RPS6KA5: variants seen among roughly 807,000 people sequenced by gnomAD.
RPS6KA5 encodes the protein ribosomal protein S6 kinase A5, also known as ribosomal protein S6 kinase alpha-5.
RPS6KA5 carries 27 observed loss-of-function variants against 85.5 expected under a neutral mutation model. That is an observed-to-expected ratio of 0.32 (90% confidence interval 0.23 to 0.44). The LOEUF is 0.44. Ranked by LOEUF, RPS6KA5 falls within the 20% of genes least tolerant of loss-of-function variation. The pLI, the probability that RPS6KA5 is intolerant of heterozygous loss-of-function variation, is 1.00. For synonymous variants in RPS6KA5, 334 were observed against 348.2 expected, an observed-to-expected ratio of 0.96 and a Z score of 0.46; for missense variants, 811 against 980.9, an observed-to-expected ratio of 0.83 and a Z score of 2.31.
At position 90,969,821 on chromosome 14, in the gene RPS6KA5, C is replaced by G. The variant is rs11846621; in HGVS notation, c.394+8485G>C. ...CCTTCCAAAGAGCTGTTATTAATTC[C>G]CACATGCCCCCTATGATTCAGACCA... On this transcript the variant is annotated intron_variant, in intron 3 of 16. Coordinates refer to ENST00000614987, the MANE Select transcript of RPS6KA5 (RefSeq NM_004755.4). Among the ~76,000 whole-genome samples, 629 of 152,188 alleles carry G rather than the reference C, an allele frequency of 4.1e-3. 4 individuals are homozygous for G. The highest frequency in any genetic ancestry group is 0.014 in the African/African-American group (596 of 41,524).
At chr14:91,035,870 AAAAAAAAAAAAC>A (rs1190324922) in intron 1 of RPS6KA5, among the ~76,000 whole-genome samples, 15 of 138,730 alleles carry the variant, frequency 1.1e-4, no homozygotes, top group South Asian at 4.5e-4. Flanking sequence ...AAAAAAAAAA[AAAAAAAAAAAAC>A]CCCAAAGCTG....
chr14:91,005,002 A>ATTTT (rs2040958067), intron 1 of RPS6KA5, among the ~76,000 whole-genome samples: 2 of 151,922 alleles, frequency 1.3e-5, no homozygotes, highest in South Asian at 4.2e-4. Flanking sequence ...AAAAACAAAA[A>ATTTT]AACAGTTCCA....
intron 7 of RPS6KA5, among the ~76,000 whole-genome samples, chr14:90,917,271 C>T (rs1364761091): frequency 6.6e-6 from 1 of 152,182 alleles, no homozygotes; most frequent in Non-Finnish European, 1.5e-5. Flanking sequence ...GCTCACTTAA[C>T]TTTGGCATTA....
At chr14:91,056,878 T>C (rs2043343596) in intron 1 of RPS6KA5, among the ~76,000 whole-genome samples, 1 of 130,080 alleles carries the variant, frequency 7.7e-6, no homozygotes, top group Admixed American at 7.8e-5. Flanking sequence ...TTTTTTTTTT[T>C]TTTTTTTTTT....
At chr14:91,003,095 A>C (rs1296333212) in intron 1 of RPS6KA5, among the ~76,000 whole-genome samples, 1 of 152,162 alleles carries the variant, frequency 6.6e-6, no homozygotes, top group Admixed American at 6.5e-5. Flanking sequence ...AAATTCTATT[A>C]TTTTATTATG....
intron 2 of RPS6KA5, among the ~76,000 whole-genome samples, chr14:90,997,199 AAAGG>A (rs2040564196): frequency 6.6e-6 from 1 of 152,226 alleles, no homozygotes; most frequent in Non-Finnish European, 1.5e-5. Flanking sequence ...CTGTAGTAAA[AAAGG>A]AAGAAGATCA....
chr14:90,973,062 T>C (rs542095626), intron 3 of RPS6KA5, among the ~76,000 whole-genome samples: 1 of 152,382 alleles, frequency 6.6e-6, no homozygotes, highest in Non-Finnish European at 1.5e-5. Context: ...GAATACGTTC[T>C]GTGGAGAAAC....
intron 1 of RPS6KA5, among the ~76,000 whole-genome samples, chr14:91,018,018 T>A (rs949610150): frequency 2.6e-5 from 4 of 152,202 alleles, no homozygotes; most frequent in African/African-American, 9.6e-5. Flanking sequence ...GGTATTACCA[T>A]GCCTTGTGAT....
In RPS6KA5 at chr14:90,876,731, G is replaced by A. The variant is rs770340595; in HGVS notation, c.1837-1371C>T. Among the ~76,000 whole-genome samples the A allele has an allele frequency of 1.3e-4, 20 of 152,188 alleles. 1 individual carries two copies. The highest frequency in any genetic ancestry group is 2.6e-4 in the Non-Finnish European group (18 of 68,028). ...GGTTTGAGAAGGGAGCAGTGGTGTC[G>A]GCAGGAGCCTGGGCTGAGGGAAGCG... On this transcript the variant is annotated intron_variant, in intron 14 of 16. Coordinates refer to ENST00000614987, the MANE Select transcript of RPS6KA5 (RefSeq NM_004755.4).
intron 1 of RPS6KA5, among the ~76,000 whole-genome samples, chr14:91,021,029 A>G (rs1175985588): frequency 1.3e-5 from 2 of 152,184 alleles, no homozygotes; most frequent in Non-Finnish European, 2.9e-5. Flanking sequence ...ATCCAGTTAA[A>G]GTGATGTCCA....
At chr14:91,033,659 C>T (rs1737087524) in intron 1 of RPS6KA5, among the ~76,000 whole-genome samples, 1 of 152,112 alleles carries the variant, frequency 6.6e-6, no homozygotes, top group South Asian at 2.1e-4. Flanking sequence ...AGATTACTTA[C>T]ACAGTACTGT....
chr14:90,986,637 C>T (rs1043702630), intron 2 of RPS6KA5, among the ~76,000 whole-genome samples: 4 of 152,144 alleles, frequency 2.6e-5, no homozygotes, highest in South Asian at 2.1e-4. Flanking sequence ...CTTTACAGGC[C>T]GGTGCATCTA....
intron 7 of RPS6KA5, among the ~76,000 whole-genome samples, chr14:90,910,225 C>T (rs757411603): frequency 2.6e-5 from 4 of 152,042 alleles, no homozygotes; most frequent in Non-Finnish European, 4.4e-5. Flanking sequence ...GATTGAGGAA[C>T]GGCATGTAAA....
chr14:91,047,385 T>C (rs1360734518), intron 1 of RPS6KA5, among the ~76,000 whole-genome samples: 1 of 152,128 alleles, frequency 6.6e-6, no homozygotes, highest in Non-Finnish European at 1.5e-5. Flanking sequence ...AGAGCACTCC[T>C]ATGAAAAACA....
In RPS6KA5 at chr14:90,873,782, T is replaced by C. The variant is rs768348389; in HGVS notation, c.2010A>G (p.Val670=). ...ACATTTTAAGCCTTTTGTTTGGATCTACTGTGAGAAGTCCTTTGGGAATAG... is the reference window on the plus strand; with the variant it reads ...ACATTTTAAGCCTTTTGTTTGGATCCACTGTGAGAAGTCCTTTGGGAATAG... The part of the protein sequence containing the change: ...AKDLIQGLLT[V]DPNKRLKMSG... Residue 670 remains valine, a synonymous_variant, in exon 16 of 17, where the codon GTA becomes GTG. Transcript: ENST00000614987. 1 of 1,613,564 alleles carries C rather than the reference T, an allele frequency of 6.2e-7. No homozygotes were observed. Among genetic ancestry groups the C allele is most frequent in the Non-Finnish European group, 8.5e-7 (1 of 1,179,804 alleles).
At chr14:90,895,045 G>A (rs2034760042) in intron 12 of RPS6KA5, among the ~76,000 whole-genome samples, 2 of 152,134 alleles carry the variant, frequency 1.3e-5, no homozygotes, top group South Asian at 4.1e-4. Context: ...TTTTTAAACT[G>A]CTGACAATAA....
chr14:90,995,854 A>T (rs1303321298), intron 2 of RPS6KA5, among the ~76,000 whole-genome samples: 1 of 152,128 alleles, frequency 6.6e-6, no homozygotes, highest in African/African-American at 2.4e-5. Context: ...CCAAGGCAGG[A>T]GGATTACTTG....
At chr14:91,032,346 T>TC (rs1293691639) in intron 1 of RPS6KA5, among the ~76,000 whole-genome samples, 5 of 152,172 alleles carry the variant, frequency 3.3e-5, no homozygotes, top group African/African-American at 9.7e-5. Flanking sequence ...GGCTCCAGAC[T>TC]CCCTGTTATG....
At position 90,851,279 on chromosome 14, in the gene RPS6KA5, C is replaced by A. The variant is rs1411140304; in HGVS notation, c.*20795G>T. 1 of 152,204 alleles carries A rather than the reference C, an allele frequency of 6.6e-6. No individual in the cohort carries two copies. Among genetic ancestry groups the A allele is most frequent in the Non-Finnish European group, 1.5e-5 (1 of 68,068 alleles). The allele number at this position is 152,204 out of a possible 1,614,324, so 9.4% of individuals were successfully genotyped here. ...GGTCTTGATCTCCTGACCTCGTGATCCACCCTCCTCAGCCTCCCAAAGTGC... is the reference window on the plus strand; with the variant it reads ...GGTCTTGATCTCCTGACCTCGTGATACACCCTCCTCAGCCTCCCAAAGTGC... On this transcript the variant is annotated 3_prime_UTR_variant, in exon 17 of 17. Coordinates refer to ENST00000614987, the MANE Select transcript of RPS6KA5 (RefSeq NM_004755.4).
Sources: allele counts gnomAD v4.1 joint callset (sites outside exome capture counted in the v4.1 genomes callset), GRCh38; gene constraint gnomAD v4.1.1; transcripts MANE v1.5; gene names NCBI Gene and HGNC (gene_info 2026-07-23, HGNC 2026-07-21).